FBXW11: variants seen among roughly 807,000 people sequenced by gnomAD.
FBXW11 encodes F-box/WD repeat-containing protein 11.
Under a neutral mutation model 77.6 loss-of-function variants are expected in FBXW11, and 19 were observed. The observed-to-expected ratio is 0.24, with a 90% CI of 0.17 to 0.36. The LOEUF is 0.36. Among genes scored for constraint, FBXW11 ranks in the 10% least tolerant of loss-of-function variants. The probability of loss-of-function intolerance (pLI) is 1.00; values close to 1 mark genes in which losing one functional copy is unlikely to be tolerated. For missense variants in FBXW11, 334 were observed against 704.2 expected (o/e 0.47, Z 5.95); for synonymous variants, 235 against 249.4 (o/e 0.94, Z 0.54).
intron 4 of FBXW11, 122 bp downstream of exon 4, chr5:171,910,450 A>G: frequency 1.7e-6 from 1 of 593,482 alleles, no homozygotes; most frequent in Non-Finnish European, 3.0e-6. Context: ...ATATTAAAGT[A>G]TGCGTCCCAA....
chr5:171,971,906 C>G (rs182946963), intron 1 of FBXW11, among the ~76,000 whole-genome samples: 7 of 152,104 alleles, frequency 4.6e-5, no homozygotes, highest in African/African-American at 1.4e-4. Flanking sequence ...ATCACCTGAG[C>G]CTGGGAAGTC....
Position 171,899,026 on chromosome 5 carries a change from G to T in FBXW11, c.692C>A (p.Pro231Gln). Residue 231 changes from proline to glutamine, a missense_variant, in exon 6 of 14, where the codon CCA becomes CAA. Pro to Gln is a moderately conservative substitution (Grantham distance 76, BLOSUM62 -1). Coordinates refer to ENST00000517395, the MANE Select transcript of FBXW11 (RefSeq NM_001378974.1). ...PPNSFYRSLY[P>Q]KIIQDIETIE... is the part of the protein sequence containing the mutation. Reference sequence around the variant, plus strand: ...TACCTCTATATCCTGGATAATCTTTGGGTATAATGACCTATAAAATGAATT... The same window carrying T: ...TACCTCTATATCCTGGATAATCTTTTGGTATAATGACCTATAAAATGAATT... 6.2e-7 allele frequency: 1 copy of T among 1,603,788 alleles called. No homozygotes were observed. The highest frequency in any genetic ancestry group is 8.5e-7 in the Non-Finnish European group (1 of 1,175,488).
intron 1 of FBXW11, among the ~76,000 whole-genome samples, chr5:172,005,758 G>C (rs1217104447): frequency 6.6e-6 from 1 of 152,028 alleles, no homozygotes; most frequent in Non-Finnish European, 1.5e-5. Context: ...GTGAAGTTGC[G>C]CCTTCTCTTT....
chr5:171,966,417 C>T (rs1392133463), intron 1 of FBXW11, among the ~76,000 whole-genome samples: 1 of 152,168 alleles, frequency 6.6e-6, no homozygotes, highest in African/African-American at 2.4e-5. Flanking sequence ...TTTCAGAGCT[C>T]TTACAGAAGC....
chr5:171,876,649 C>T lies in FBXW11; in HGVS notation c.972-115G>A. The T allele has an allele frequency of 1.5e-6, 2 of 1,323,032 alleles. No individual in the cohort carries two copies. Among genetic ancestry groups the T allele is most frequent in the East Asian group, 4.8e-5 (2 of 41,444 alleles). The allele number at this position is 1,323,032 out of a possible 1,614,324, so 82.0% of individuals were successfully genotyped here. A position where few individuals can be genotyped will look rare whatever the true frequency, so the allele number is the denominator to read the frequency against. ...TTTGGATATAGTTTGTCTGACTCTA[C>T]CAAATCTCATGTTGAAATTGATCCT... On this transcript the variant is annotated intron_variant, in intron 8 of 13. Transcript: ENST00000517395. The surrounding 1 kb of genome is among the most constrained non-coding windows in gnomAD (Gnocchi z 4.2).
At chr5:171,982,279 A>T (rs373350075) in intron 1 of FBXW11, among the ~76,000 whole-genome samples, 60 of 152,042 alleles carry the variant, frequency 3.9e-4, no homozygotes, top group African/African-American at 1.4e-3. Flanking sequence ...TTATTTATTT[A>T]TTTTTTTGAG....
chr5:171,932,575 G>C (rs945144847), intron 2 of FBXW11, among the ~76,000 whole-genome samples: 3 of 152,024 alleles, frequency 2.0e-5, no homozygotes, highest in African/African-American at 7.2e-5. Context: ...CATCACCAAA[G>C]TACAACACAT....
chr5:171,944,537 A>C (rs1455439742), intron 2 of FBXW11, among the ~76,000 whole-genome samples: 1 of 137,854 alleles, frequency 7.3e-6, no homozygotes, highest in African/African-American at 2.6e-5. Flanking sequence ...AGATCGCGCC[A>C]CTGCACTCCA....
chr5:171,988,351 A>AC (rs1198669838), intron 1 of FBXW11, among the ~76,000 whole-genome samples: 2 of 152,166 alleles, frequency 1.3e-5, no homozygotes, highest in Non-Finnish European at 2.9e-5. Context: ...AAACAAACAA[A>AC]AAAAACAGTG....
rs532664671 is a variant in FBXW11 at position 171,983,148 on chromosome 5, G to A, written c.45+23310C>T. Among the ~76,000 whole-genome samples, 63 of 152,104 alleles carry A rather than the reference G, an allele frequency of 4.1e-4. 3 individuals are homozygous for A. The South Asian group carries it at 0.011, about 26-fold the overall frequency. On this transcript the variant is annotated intron_variant, in intron 1 of 13. Transcript: ENST00000517395. Reference sequence around the variant, plus strand: ...AAGGCTGTGGTGAGCTGTTTGTGCCGCTACACTCCAGCCTAGGCAACAGAG... The same window carrying A: ...AAGGCTGTGGTGAGCTGTTTGTGCCACTACACTCCAGCCTAGGCAACAGAG...
intron 6 of FBXW11, among the ~76,000 whole-genome samples, chr5:171,897,778 G>A (rs1246068738): frequency 1.3e-5 from 2 of 151,530 alleles, no homozygotes; most frequent in African/African-American, 2.4e-5. Context: ...AAAAACAGAG[G>A]GTAATGTAGT....
chr5:171,918,014 C>T (rs779945475), intron 2 of FBXW11, among the ~76,000 whole-genome samples: 8 of 151,948 alleles, frequency 5.3e-5, no homozygotes, highest in Non-Finnish European at 1.2e-4. Flanking sequence ...TTGGCAAACA[C>T]TGGACTAGAG....
In FBXW11 at chr5:171,922,317, C is replaced by CA. The variant is rs560425574; in HGVS notation, c.148-7913dup. On this transcript the variant is annotated intron_variant, in intron 2 of 13. Transcript: ENST00000517395. Reference sequence around the variant, plus strand: ...GCCAATTATTACTTGCTATAAATTCCAAAGATAAATACATAGAACAATGAC... The same window carrying CA: ...GCCAATTATTACTTGCTATAAATTCCAAAAGATAAATACATAGAACAATGAC... 3.9e-4 allele frequency among the ~76,000 whole-genome samples: 59 copies of CA among 152,150 alleles called. 3 individuals are homozygous for CA. In the South Asian group the frequency reaches 0.011, roughly 28 times the overall value.
In FBXW11 at chr5:171,878,553, A is replaced by AGTGTGTGTGTGTGTGT. The variant is rs34933781; in HGVS notation, c.853-425_853-424insACACACACACACACAC. ...AACATACCAAGCCAATCTCCATAAG[A>AGTGTGTGTGTGTGTGT]GTGTGTGAGTGTGTGTGTGTGTGTG... On this transcript the variant is annotated intron_variant, in intron 7 of 13. Coordinates refer to ENST00000517395, the MANE Select transcript of FBXW11 (RefSeq NM_001378974.1). 3.7e-3 allele frequency among the ~76,000 whole-genome samples: 395 copies of AGTGTGTGTGTGTGTGT among 105,446 alleles called. 5 individuals carry two copies. The highest frequency in any genetic ancestry group is 0.011 in the Middle Eastern group (2 of 188). The allele number at this position is 105,446 out of a possible 152,430, so 69.2% of individuals were successfully genotyped here.
At chr5:171,905,140 T>C (rs990402960) in intron 4 of FBXW11, among the ~76,000 whole-genome samples, 4 of 152,316 alleles carry the variant, frequency 2.6e-5, no homozygotes, top group Admixed American at 6.5e-5. Context: ...ATTTCCTCCT[T>C]CTATGAGGCA....
intron 1 of FBXW11, among the ~76,000 whole-genome samples, chr5:171,970,405 C>A (rs1378114712): frequency 6.6e-6 from 1 of 152,198 alleles, no homozygotes; most frequent in Non-Finnish European, 1.5e-5. Flanking sequence ...GCCTCCCAGC[C>A]ATGCAGAACT....
chr5:171,965,541 A>T (rs963009988), intron 1 of FBXW11, among the ~76,000 whole-genome samples: 11 of 151,944 alleles, frequency 7.2e-5, no homozygotes, highest in East Asian at 1.9e-4. Context: ...AATAAAAAAA[A>T]AAAAAAAAAG....
At chr5:171,942,916 C>G (rs915924938) in intron 2 of FBXW11, among the ~76,000 whole-genome samples, 2 of 151,852 alleles carry the variant, frequency 1.3e-5, no homozygotes, top group African/African-American at 4.8e-5. Context: ...TACCAGATGC[C>G]CTGGGCAATG....
At chr5:171,962,940 T>C (rs1763985510) in intron 1 of FBXW11, among the ~76,000 whole-genome samples, 1 of 152,180 alleles carries the variant, frequency 6.6e-6, no homozygotes, top group Admixed American at 6.5e-5. Context: ...ATCTGCCTTA[T>C]TATAGGTTTT....
Sources: gnomAD v4.1 joint callset for allele counts (sites outside exome capture counted in the v4.1 genomes callset) on GRCh38, gnomAD v4.1.1 for gene constraint, Gnocchi (gnomAD v3.1) non-coding constraint, MANE v1.5 for transcripts, NCBI Gene and HGNC (gene_info 2026-07-23, HGNC 2026-07-21) for gene names.